Variants in PPARG observed in about 807,000 individuals in gnomAD.
PPARG encodes the protein peroxisome proliferator activated receptor gamma.
PPARG carries 17 observed loss-of-function variants against 39.2 expected under a neutral mutation model. That is an observed-to-expected ratio of 0.43 (90% CI 0.30 to 0.65). The LOEUF (loss-of-function observed/expected upper bound fraction) is 0.65. PPARG is among the 30% of genes least tolerant of loss of function. The probability of loss-of-function intolerance (pLI) is 0.13; values close to 1 mark genes in which losing one functional copy is unlikely to be tolerated. For missense variants in PPARG, 406 were observed against 585.9 expected (o/e 0.69, Z 3.17); for synonymous variants, 223 against 215.7 (o/e 1.03, Z -0.30).
At chr3:12,339,994 T>TCCCC (rs1352329740) in intron 2 of PPARG, among the ~76,000 whole-genome samples, 4 of 152,198 alleles carry the variant, frequency 2.6e-5, no homozygotes, top group Non-Finnish European at 4.4e-5. Context: ...CAAGACTGGC[T>TCCCC]CCCCATCACT....
chr3:12,433,765 A>T, intron 7 of PPARG, 133 bp from the exon 8 acceptor site: 1 of 1,278,980 alleles, frequency 7.8e-7, no homozygotes. Flanking sequence ...CTCCCCACCT[A>T]TTTAAGATAC....
chr3:12,375,245 GGAGAGA>G (rs141166078), intron 2 of PPARG, among the ~76,000 whole-genome samples: 1 of 147,920 alleles, frequency 6.8e-6, no homozygotes, highest in Admixed American at 6.8e-5. Flanking sequence ...TGGGGAGGTG[GGAGAGA>G]GAGAGAGAGA....
intron 1 of PPARG, among the ~76,000 whole-genome samples, chr3:12,306,306 A>G (rs1308663501): frequency 6.6e-6 from 1 of 152,154 alleles, no homozygotes; most frequent in African/African-American, 2.4e-5. Flanking sequence ...TCAGGCAATA[A>G]TGTTCGCTCG....
intron 2 of PPARG, among the ~76,000 whole-genome samples, chr3:12,320,250 A>G (rs1040466909): frequency 1.3e-5 from 2 of 152,216 alleles, no homozygotes; most frequent in African/African-American, 4.8e-5. Flanking sequence ...GTATGCATGT[A>G]TGTATCGCTA....
At chr3:12,390,145 A>T (rs935283947) in intron 4 of PPARG, among the ~76,000 whole-genome samples, 4 of 152,214 alleles carry the variant, frequency 2.6e-5, no homozygotes, top group African/African-American at 4.8e-5. Context: ...ATTCAATTTT[A>T]TACATTTCAG....
chr3:12,287,930 G>A (rs2046548708), upstream of PPARG: 1 of 146,454 alleles, frequency 6.8e-6, no homozygotes, highest in Non-Finnish European at 1.5e-5. Flanking sequence ...CAGCGCACTC[G>A]GAGCCCGAGC....
At chr3:12,340,540 A>G (rs2048153722) in intron 2 of PPARG, among the ~76,000 whole-genome samples, 1 of 152,224 alleles carries the variant, frequency 6.6e-6, no homozygotes, top group African/African-American at 2.4e-5. Flanking sequence ...AGTTTCAAAT[A>G]AAAAGTTTAT....
chr3:12,296,023 A>G (rs565681576), intron 1 of PPARG, among the ~76,000 whole-genome samples: 1 of 152,092 alleles, frequency 6.6e-6, no homozygotes, highest in East Asian at 2.0e-4. Context: ...CAGCTGAGGT[A>G]GGCAGATCAC....
intron 2 of PPARG, among the ~76,000 whole-genome samples, chr3:12,359,674 C>CTTTTTTTTTTTTTTTTT (rs71628752): frequency 1.9e-4 from 25 of 129,828 alleles, no homozygotes; most frequent in African/African-American, 3.2e-4. Context: ...TCTTTTATTT[C>CTTTTTTTTTTTTTTTTT]TTTTTTTTTT....
intron 1 of PPARG, among the ~76,000 whole-genome samples, chr3:12,291,318 C>T (rs559580464): frequency 6.6e-6 from 1 of 152,248 alleles, no homozygotes; most frequent in South Asian, 2.1e-4. Flanking sequence ...TCCTTTGAAA[C>T]GGATCTAATT....
At chr3:12,321,552 G>A (rs1455130170) in intron 2 of PPARG, among the ~76,000 whole-genome samples, 1 of 152,120 alleles carries the variant, frequency 6.6e-6, no homozygotes, top group African/African-American at 2.4e-5. Context: ...TTTTAGTTCA[G>A]GTTTTCCTTA....
intron 2 of PPARG, among the ~76,000 whole-genome samples, chr3:12,337,837 A>C (rs1347767112): frequency 6.6e-6 from 1 of 152,214 alleles, no homozygotes; most frequent in South Asian, 2.1e-4. Flanking sequence ...AACTATTTAC[A>C]TAGCATTACA....
intron 1 of PPARG, among the ~76,000 whole-genome samples, chr3:12,312,083 G>T (rs2047262638): frequency 6.6e-6 from 1 of 152,228 alleles, no homozygotes; most frequent in African/African-American, 2.4e-5. Flanking sequence ...ATTCATGTTA[G>T]TGATGGAAAT....
intron 2 of PPARG, among the ~76,000 whole-genome samples, chr3:12,354,360 A>C (rs1278009606): frequency 3.3e-5 from 5 of 152,136 alleles, no homozygotes; most frequent in African/African-American, 1.2e-4. Flanking sequence ...ATGACACAAT[A>C]CTTGTGCAAG....
chr3:12,378,415 A>G (rs1575082279), intron 2 of PPARG, among the ~76,000 whole-genome samples: 1 of 152,180 alleles, frequency 6.6e-6, no homozygotes, highest in Middle Eastern at 3.2e-3. Flanking sequence ...ATATATCTGT[A>G]TATATATACA....
At chr3:12,432,726 CA>C in intron 7 of PPARG, among the ~76,000 whole-genome samples, 1 of 151,940 alleles carries the variant, frequency 6.6e-6, no homozygotes, top group Middle Eastern at 3.4e-3. Context: ...ATTATCTATC[CA>C]AAAAAAGTAG....
intron 4 of PPARG, among the ~76,000 whole-genome samples, chr3:12,389,609 A>G (rs552936046): frequency 6.6e-6 from 1 of 152,302 alleles, no homozygotes; most frequent in African/African-American, 2.4e-5. Flanking sequence ...AATGAGAGTG[A>G]GCCAGGCGTA....
At chr3:12,378,376 A>G (rs557002541) in intron 2 of PPARG, among the ~76,000 whole-genome samples, 1 of 152,298 alleles carries the variant, frequency 6.6e-6, no homozygotes, top group East Asian at 1.9e-4. Context: ...CTAAGTGTCA[A>G]TGGATGAATG....
intron 6 of PPARG, among the ~76,000 whole-genome samples, chr3:12,410,185 T>C (rs1425041129): frequency 1.3e-5 from 2 of 152,184 alleles, no homozygotes; most frequent in African/African-American, 4.8e-5. Context: ...CCACAACCTA[T>C]TTCCCTTTCA....
Sources: gnomAD v4.1 joint callset for allele counts (sites outside exome capture counted in the v4.1 genomes callset) on GRCh38, gnomAD v4.1.1 for gene constraint, MANE v1.5 for transcripts, NCBI Gene and HGNC (gene_info 2026-07-23, HGNC 2026-07-21) for gene names.